The following PLEKHB1 variants were observed in gnomAD, a reference collection of about 807,000 sequenced individuals.
PLEKHB1 encodes the protein pleckstrin homology domain-containing family B member 1.
PLEKHB1 carries 29 observed loss-of-function variants against 36.2 expected under a neutral mutation model. The observed-to-expected ratio is 0.80, with a 90% CI of 0.60 to 1.09. PLEKHB1 has a LOEUF of 1.09. Among genes scored for constraint, PLEKHB1 ranks in the 50% least tolerant of loss-of-function variants. The probability of loss-of-function intolerance (pLI) is 0.00; values close to 1 mark genes in which losing one functional copy is unlikely to be tolerated. For synonymous variants in PLEKHB1, 138 were observed against 140.0 expected (o/e 0.99, Z 0.10); for missense variants, 330 against 348.2 (o/e 0.95, Z 0.42).
At chr11:73,654,405 A>C (rs554724732) in intron 5 of PLEKHB1, among the ~76,000 whole-genome samples, 1 of 152,330 alleles carries the variant, frequency 6.6e-6, no homozygotes, top group East Asian at 1.9e-4. Flanking sequence ...AAACCTCCTC[A>C]GGCATCCACG....
intron 1 of PLEKHB1, 110 bp from the exon 2 acceptor site, chr11:73,648,902 T>G: frequency 1.4e-6 from 2 of 1,477,390 alleles, no homozygotes; most frequent in Non-Finnish European, 1.8e-6. Flanking sequence ...CCTTGTTTAC[T>G]AACCCTCCCT....
rs1048966768 is a variant in PLEKHB1 at position 73,650,647 on chromosome 11, G to A, written c.189G>A (p.Glu63=). 4.3e-6 allele frequency: 7 copies of A among 1,611,950 alleles called. No homozygotes were observed. The highest frequency in any genetic ancestry group is 5.9e-6 in the Non-Finnish European group (7 of 1,179,132). The change falls in exon 3 of 8, where the codon GAG becomes GAA. Residue 63 remains glutamate, a synonymous_variant. Transcript: ENST00000354190. Reference sequence around the variant, plus strand: ...ACGATGAGACAGCGCAGGACGAGGAGGACCGTGTGCTCATCCACTTCAATG... The same window carrying A: ...ACGATGAGACAGCGCAGGACGAGGAAGACCGTGTGCTCATCCACTTCAATG... ...YYHDETAQDE[E]DRVLIHFNVR...
chr11:73,656,565 G>A (rs548586406), intron 6 of PLEKHB1, among the ~76,000 whole-genome samples: 1 of 152,292 alleles, frequency 6.6e-6, no homozygotes, highest in Admixed American at 6.5e-5. Context: ...ATTTAGTCTA[G>A]GTCTGTCTCC....
In PLEKHB1 at chr11:73,661,734, G is replaced by A. The variant is rs1945128977; in HGVS notation, c.*132G>A. The A allele has an allele frequency of 5.1e-6, 6 of 1,174,506 alleles. No individual in the cohort carries two copies. The highest frequency in any genetic ancestry group is 2.5e-5 in the Admixed American group (1 of 39,440). The allele number at this position is 1,174,506 out of a possible 1,614,324, so 72.8% of individuals were successfully genotyped here. A position where few individuals can be genotyped will look rare whatever the true frequency, so the allele number is the denominator to read the frequency against. On this transcript the variant is annotated 3_prime_UTR_variant, in exon 8 of 8. Coordinates refer to ENST00000354190, the MANE Select transcript of PLEKHB1 (RefSeq NM_021200.3). The surrounding 1 kb of genome is among the most constrained non-coding windows in gnomAD (Gnocchi z 4.6). ...TCTCCATTAGCTCCTTCCGGGTTTG[G>A]ACCATTCCCCCCACTCCCTACCCTT...
Position 73,655,887 on chromosome 11 carries a change from A to G in PLEKHB1, c.475A>G (p.Lys159Glu), listed in dbSNP as rs1390491092. The change falls in exon 6 of 8, where the codon AAG becomes GAG. Residue 159 changes from lysine to glutamate, a missense_variant. Transcript: ENST00000354190. Reference sequence around the variant, plus strand: ...TGTGACCCGCTCGTGGAGCCCCTGTAAGGTTGAGAGGCGGATCTGGGTAAG... The same window carrying G: ...TGTGACCCGCTCGTGGAGCCCCTGTGAGGTTGAGAGGCGGATCTGGGTAAG... ...RCVTRSWSPC[K>E]VERRIWVRVY... is the part of the protein sequence containing the mutation. The G allele has an allele frequency of 1.2e-6, 2 of 1,613,706 alleles. No homozygotes were observed. The highest frequency in any genetic ancestry group is 1.1e-5 in the South Asian group (1 of 91,066).
chr11:73,658,997 G>A (rs1945051338), intron 6 of PLEKHB1, among the ~76,000 whole-genome samples: 1 of 152,146 alleles, frequency 6.6e-6, no homozygotes, highest in South Asian at 2.1e-4. Context: ...GCCAAGGCGG[G>A]CAGATCACCT....
chr11:73,661,761 A>C lies in PLEKHB1; in HGVS notation c.*159A>C. 3.4e-6 allele frequency: 3 copies of C among 873,096 alleles called. No homozygotes were observed. Among genetic ancestry groups the C allele is most frequent in the Non-Finnish European group, 5.0e-6 (3 of 594,730 alleles). 54.1% of individuals were successfully genotyped at this position (873,096 alleles called of 1,614,324 possible). ...CCATTCCCCCCACTCCCTACCCTTA[A>C]TCCCCACATGGGAAGAAGCTATCAT... is the stretch of plus-strand genomic sequence containing the variant. On this transcript the variant is annotated 3_prime_UTR_variant, in exon 8 of 8. Transcript: ENST00000354190. This position sits in a 1 kb window ranked among gnomAD's most constrained non-coding sequence, Gnocchi z 4.6.
At chr11:73,648,897 T>G in intron 1 of PLEKHB1, 115 bp from the exon 2 acceptor site, 1 of 1,453,954 alleles carries the variant, frequency 6.9e-7, no homozygotes, top group East Asian at 2.7e-5. Flanking sequence ...CTGGCCCTTG[T>G]TTACTAACCC....
rs1410248524 is a variant in PLEKHB1, at chr11:73,660,757, G to A, written c.500G>A (p.Arg167His). The A allele has an allele frequency of 3.8e-6, 6 of 1,590,530 alleles. No individual in the cohort carries two copies. The African/African-American group carries it at 8.1e-5, about 21-fold the overall frequency. Residue 167 changes from arginine (R) to histidine (H), a missense_variant, in exon 7 of 8, where the codon CGC becomes CAC. Transcript: ENST00000354190. ...PCKVERRIWV[R>H]VYSPYQDYYE... is the part of the protein sequence containing the mutation. ...TGACATGGTTGGATTCCCCAGGTGCGCGTCTACAGCCCGTACCAAGACTAC... is the reference window on the plus strand; with the variant it reads ...TGACATGGTTGGATTCCCCAGGTGCACGTCTACAGCCCGTACCAAGACTAC...
Position 73,661,599 on chromosome 11 carries a change from C to G in PLEKHB1, c.729C>G (p.Phe243Leu). The change falls in exon 8 of 8, where the codon TTC becomes TTG. Residue 243 changes from phenylalanine to leucine, a missense_variant. Physicochemically the swap from Phe to Leu is conservative, Grantham distance 22. Coordinates refer to ENST00000354190, the MANE Select transcript of PLEKHB1 (RefSeq NM_021200.3). This position sits in a 1 kb window ranked among gnomAD's most constrained non-coding sequence, Gnocchi z 4.6. ...CGCTCATGTGGTCGCCCTGCTGGTT[C>G]TGAGCCCTGGGACTCGGAGCACTGA... ...LGSLMWSPCW[F>L] 1 of 1,583,586 alleles carries G rather than the reference C, an allele frequency of 6.3e-7. No homozygotes were observed. Among genetic ancestry groups the G allele is most frequent in the Non-Finnish European group, 8.6e-7 (1 of 1,165,832 alleles).
At chr11:73,657,504 G>A (rs1483207933) in intron 6 of PLEKHB1, among the ~76,000 whole-genome samples, 1 of 152,244 alleles carries the variant, frequency 6.6e-6, no homozygotes, top group Non-Finnish European at 1.5e-5. Context: ...GGCCTCTGGA[G>A]AGGGAGAGGC....
Position 73,660,774 on chromosome 11 carries a change from C to A in PLEKHB1, c.517C>A (p.Gln173Lys). Residue 173 changes from glutamine (Q) to lysine (K), a missense_variant, in exon 7 of 8, where the codon CAA (glutamine) becomes AAA (lysine). Coordinates refer to ENST00000354190, the MANE Select transcript of PLEKHB1 (RefSeq NM_021200.3). ...RIWVRVYSPYQDYYEVVPPNA... is the reference protein window; with the variant it reads ...RIWVRVYSPYKDYYEVVPPNA... ...CCAGGTGCGCGTCTACAGCCCGTACCAAGACTACTACGAGGTGGTGCCCCC... is the reference window on the plus strand; with the variant it reads ...CCAGGTGCGCGTCTACAGCCCGTACAAAGACTACTACGAGGTGGTGCCCCC... The A allele has an allele frequency of 6.3e-7, 1 of 1,599,468 alleles. No homozygotes were observed. Among genetic ancestry groups the A allele is most frequent in the Non-Finnish European group, 8.5e-7 (1 of 1,174,170 alleles).
intron 5 of PLEKHB1, 22 bp downstream of exon 5, chr11:73,653,036 C>G (rs373414242): frequency 5.6e-6 from 9 of 1,600,438 alleles, no homozygotes; most frequent in Middle Eastern, 1.7e-4. Context: ...GTTCTCTCCC[C>G]CTTTCCCCAC....
At chr11:73,650,815 A>C in intron 3 of PLEKHB1, 110 bp downstream of exon 3, 9 of 1,283,844 alleles carry the variant, frequency 7.0e-6, no homozygotes, top group Non-Finnish European at 9.4e-6. Flanking sequence ...GAGGCATTTC[A>C]CAGACATTGC....
At chr11:73,646,657 G>A (rs1260989966) in intron 1 of PLEKHB1, 31 bp downstream of exon 1, 2 of 1,551,340 alleles carry the variant, frequency 1.3e-6, no homozygotes, top group Non-Finnish European at 8.7e-7. Context: ...ACAGGAGGAA[G>A]GGCCCAGGGC....
chr11:73,656,160 C>T (rs1157766222), intron 6 of PLEKHB1, among the ~76,000 whole-genome samples: 2 of 152,204 alleles, frequency 1.3e-5, no homozygotes, highest in Non-Finnish European at 2.9e-5. Flanking sequence ...AACTGATGCT[C>T]ATCCTGTAAG....
intron 6 of PLEKHB1, among the ~76,000 whole-genome samples, chr11:73,659,865 A>G (rs953558861): frequency 5.3e-5 from 8 of 152,168 alleles, no homozygotes; most frequent in African/African-American, 1.7e-4. Flanking sequence ...AACACACGTG[A>G]TCACTTCCTT....
At chr11:73,656,038 C>CG (rs1250095997) in intron 6 of PLEKHB1, 131 bp downstream of exon 6, 2 of 748,160 alleles carry the variant, frequency 2.7e-6, no homozygotes, top group Non-Finnish European at 4.6e-6. Context: ...CACAAACCAG[C>CG]TGCTCTGCTG....
intron 3 of PLEKHB1, chr11:73,651,464 G>A (rs1163411655): frequency 1.9e-5 from 10 of 540,122 alleles, no homozygotes; most frequent in South Asian, 4.6e-5. Flanking sequence ...GCTCGGTACT[G>A]GATGAAGACG....
Sources: gnomAD v4.1 joint callset for allele counts (sites outside exome capture counted in the v4.1 genomes callset) on GRCh38, gnomAD v4.1.1 for gene constraint, Gnocchi (gnomAD v3.1) non-coding constraint, MANE v1.5 for transcripts, NCBI Gene and HGNC (gene_info 2026-07-23, HGNC 2026-07-21) for gene names.